Variants in PTPN22 observed in about 807,000 individuals in gnomAD.
The protein encoded by PTPN22 is protein tyrosine phosphatase non-receptor type 22, also known as tyrosine-protein phosphatase non-receptor type 22.
Under a neutral mutation model 103.3 loss-of-function variants are expected in PTPN22, and 85 were observed. The observed-to-expected ratio is 0.82, with a 90% CI of 0.69 to 0.99. The LOEUF (loss-of-function observed/expected upper bound fraction) is 0.99, where lower values mean the gene tolerates loss of function less well. Among genes scored for constraint, PTPN22 ranks in the 50% least tolerant of loss-of-function variants. The pLI, the probability that PTPN22 is intolerant of heterozygous loss-of-function variation, is 0.00. For missense variants in PTPN22, 865 were observed against 936.9 expected (o/e 0.92, Z 1.00); for synonymous variants, 323 against 310.2 (o/e 1.04, Z -0.43).
exon 13 of PTPN22, chr1:113,837,953 C>G (rs1663168712): frequency 6.2e-7 from 1 of 1,613,992 alleles, no homozygotes; most frequent in Admixed American, 1.7e-5. Flanking sequence ...GCCTGCATCT[C>G]TACAAAACAA....
At chr1:113,838,308 T>C (rs771941232) in exon 13 of PTPN22, 3 of 1,612,962 alleles carry the variant, frequency 1.9e-6, no homozygotes. Context: ...CTAGCTCTTC[T>C]TTTGCACTTA....
At chr1:113,844,153 A>AT (rs1023951614) in intron 11 of PTPN22, among the ~76,000 whole-genome samples, 37 of 150,978 alleles carry the variant, frequency 2.5e-4, no homozygotes, top group East Asian at 1.6e-3. Flanking sequence ...TTAAAGAACG[A>AT]TTTTTTTTTA....
At chr1:113,838,360 T>C in exon 13 of PTPN22, 1 of 1,595,820 alleles carries the variant, frequency 6.3e-7, no homozygotes, top group Non-Finnish European at 8.5e-7. Flanking sequence ...TTCTTTGATT[T>C]CCATTTTTGT....
At chr1:113,834,828 G>A in intron 14 of PTPN22, 82 bp downstream of exon 14, 2 of 1,141,930 alleles carry the variant, frequency 1.8e-6, no homozygotes, top group Non-Finnish European at 2.5e-6. Context: ...TCACACATCA[G>A]CTTCCCAAAG....
chr1:113,844,636 T>C (rs1256966347), intron 11 of PTPN22, among the ~76,000 whole-genome samples: 1 of 152,218 alleles, frequency 6.6e-6, no homozygotes, highest in East Asian at 1.9e-4. Flanking sequence ...AGTACTGCTA[T>C]TGCTTCTGTC....
intron 13 of PTPN22, among the ~76,000 whole-genome samples, chr1:113,836,303 G>A (rs1045822255): frequency 6.6e-6 from 1 of 152,190 alleles, no homozygotes; most frequent in Admixed American, 6.5e-5. Context: ...CTAACAGGGT[G>A]CTCATTTCTA....
Position 113,819,704 on chromosome 1 carries a change from A to C in PTPN22, c.2282-50T>G, listed in dbSNP as rs375956191. 9.5e-6 allele frequency: 12 copies of C among 1,261,030 alleles called. 1 individual carries two copies. Among genetic ancestry groups the C allele is most frequent in the Non-Finnish European group, 1.2e-5 (11 of 882,726 alleles). The allele number at this position is 1,261,030 out of a possible 1,614,324, so 78.1% of individuals were successfully genotyped here. A position where few individuals can be genotyped will look rare whatever the true frequency, so the allele number is the denominator to read the frequency against. ...AGGGAAAGACTAAAGACAGACTCAGATGACTGTTGATCAGATCACATATAA... is the reference window on the plus strand; with the variant it reads ...AGGGAAAGACTAAAGACAGACTCAGCTGACTGTTGATCAGATCACATATAA... On this transcript the variant is annotated intron_variant, in intron 19 of 20. Coordinates refer to ENST00000359785, the Ensembl canonical transcript of PTPN22.
At chr1:113,835,848 C>T (rs1360856769) in intron 13 of PTPN22, among the ~76,000 whole-genome samples, 1 of 151,998 alleles carries the variant, frequency 6.6e-6, no homozygotes, top group East Asian at 1.9e-4. Context: ...TTTTATTAAA[C>T]ATTTTAAATG....
chr1:113,848,669 A>G (rs755806996), intron 10 of PTPN22, 43 bp from the exon 11 acceptor site: 15 of 1,576,428 alleles, frequency 9.5e-6, no homozygotes, highest in African/African-American at 1.4e-5. Context: ...ACAAAAACAA[A>G]AAAATTGGTG....
intron 1 of PTPN22, among the ~76,000 whole-genome samples, chr1:113,868,162 C>CCATCT (rs1211513107): frequency 1.3e-5 from 2 of 151,954 alleles, no homozygotes; most frequent in Non-Finnish European, 2.9e-5. Flanking sequence ...ATACAGACAG[C>CCATCT]CATCTGTATT....
intron 18 of PTPN22, among the ~76,000 whole-genome samples, chr1:113,825,796 C>G (rs1662003903): frequency 6.6e-6 from 1 of 152,122 alleles, no homozygotes; most frequent in South Asian, 2.1e-4. Context: ...TCACTGCAAC[C>G]TCTGCCTCCC....
At chr1:113,845,279 C>A (rs1400846505) in intron 11 of PTPN22, among the ~76,000 whole-genome samples, 1 of 151,458 alleles carries the variant, frequency 6.6e-6, no homozygotes, top group African/African-American at 2.4e-5. Flanking sequence ...TCACTGCAAC[C>A]TCCGCCTACC....
intron 7 of PTPN22, among the ~76,000 whole-genome samples, chr1:113,855,454 C>T (rs1446197606): frequency 7.0e-6 from 1 of 143,296 alleles, no homozygotes; most frequent in Non-Finnish European, 1.5e-5. Context: ...AAGATTGCAC[C>T]ACTGCACACT....
chr1:113,819,314 G>C (rs17031888), intron 20 of PTPN22: 6,272 of 207,556 alleles, frequency 0.03, 124 homozygotes, highest in Non-Finnish European at 0.042. Flanking sequence ...TCTCCATTTG[G>C]ATAGTCATAT....
At chr1:113,831,407 C>T (rs756698139) in intron 16 of PTPN22, among the ~76,000 whole-genome samples, 1 of 152,132 alleles carries the variant, frequency 6.6e-6, no homozygotes, top group Non-Finnish European at 1.5e-5. Flanking sequence ...TTTCCTCTTT[C>T]CCCCAGCCCC....
intron 11 of PTPN22, among the ~76,000 whole-genome samples, chr1:113,839,500 T>C (rs1383282891): frequency 2.0e-5 from 3 of 151,992 alleles, no homozygotes; most frequent in South Asian, 2.1e-4. Context: ...AGTCCTCCTC[T>C]CACCTCAGCT....
At chr1:113,855,795 T>C (rs1665005403) in intron 7 of PTPN22, among the ~76,000 whole-genome samples, 1 of 152,220 alleles carries the variant, frequency 6.6e-6, no homozygotes, top group Admixed American at 6.5e-5. Context: ...CAAACCAGTG[T>C]TTCCCAACTG....
chr1:113,832,009 C>T (rs867874752), intron 16 of PTPN22, among the ~76,000 whole-genome samples: 4 of 151,940 alleles, frequency 2.6e-5, no homozygotes, highest in Non-Finnish European at 5.9e-5. Context: ...AAAAGCTTTA[C>T]GACATTATTG....
At chr1:113,837,723 T>A in exon 13 of PTPN22, 1 of 1,611,670 alleles carries the variant, frequency 6.2e-7, no homozygotes, top group Non-Finnish European at 8.5e-7. Flanking sequence ...GAAAAACAGT[T>A]CCATCTTGCT....
Sources: allele counts gnomAD v4.1 joint callset (sites outside exome capture counted in the v4.1 genomes callset), GRCh38; gene constraint gnomAD v4.1.1; transcripts MANE v1.5; gene names NCBI Gene and HGNC (gene_info 2026-07-23, HGNC 2026-07-21).